The following KLHL13 variants were observed in gnomAD, a reference collection of about 807,000 sequenced individuals.
The protein encoded by KLHL13 is kelch-like protein 13.
Under a neutral mutation model 37.1 loss-of-function variants are expected in KLHL13, and 10 were observed. The ratio of observed to expected loss-of-function variants is 0.27; its 90% CI spans 0.17 to 0.46. The LOEUF (loss-of-function observed/expected upper bound fraction) is 0.46. Among genes scored for constraint, KLHL13 ranks in the 20% least tolerant of loss-of-function variants. The pLI is 1.00. For synonymous variants in KLHL13, 163 were observed against 181.2 expected (o/e 0.90, Z 0.81); for missense variants, 360 against 509.3 (o/e 0.71, Z 2.82).
At chrX:118,083,808 A>G (rs2055023853) in intron 1 of KLHL13, among the ~76,000 whole-genome samples, 1 of 111,917 alleles carries the variant, frequency 8.9e-6, no homozygotes, top group Non-Finnish European at 1.9e-5. Flanking sequence ...GTATATATGT[A>G]TCAAAACATC....
chrX:118,068,817 C>T (rs1214111258), intron 1 of KLHL13, among the ~76,000 whole-genome samples: 5 of 110,912 alleles, frequency 4.5e-5, no homozygotes, highest in Non-Finnish European at 9.4e-5. Context: ...CAAACCACCC[C>T]TGCTTAGTGG....
At chrX:118,116,952 G>A, upstream of KLHL13, 1 of 110,639 alleles carries the variant, frequency 9.0e-6, no homozygotes, top group Admixed American at 9.4e-5. Flanking sequence ...GCGGGGAGCC[G>A]GGGCTAGGAC....
At chrX:118,090,231 G>A (rs1302923154) in intron 1 of KLHL13, among the ~76,000 whole-genome samples, 16 of 110,998 alleles carry the variant, frequency 1.4e-4, no homozygotes, top group Non-Finnish European at 2.1e-4. Flanking sequence ...AGGCATGGGC[G>A]AGGACTTCAT....
intron 1 of KLHL13, among the ~76,000 whole-genome samples, chrX:118,073,271 T>A (rs1462369830): frequency 2.7e-5 from 3 of 111,065 alleles, no homozygotes; most frequent in African/African-American, 9.8e-5. Context: ...AGCCTCACAA[T>A]CATGGTGGAG....
chrX:118,021,406 C>T (rs928765368), intron 1 of KLHL13, among the ~76,000 whole-genome samples: 7 of 107,156 alleles, frequency 6.5e-5, no homozygotes, highest in African/African-American at 2.4e-4. Flanking sequence ...TACCCCACGA[C>T]AGGCCCTGGT....
chrX:118,112,077 T>C (rs996359829), intron 1 of KLHL13, among the ~76,000 whole-genome samples: 6 of 111,752 alleles, frequency 5.4e-5, no homozygotes, highest in African/African-American at 2.0e-4. Context: ...CTAGCTGGAA[T>C]TGAAACCTAG....
chrX:118,026,602 T>C (rs138301979), intron 1 of KLHL13, among the ~76,000 whole-genome samples: 6,177 of 111,866 alleles, frequency 0.055, 411 homozygotes, highest in African/African-American at 0.19. Context: ...AGTTTACAAA[T>C]GGATAACTCA....
At chrX:117,975,023 G>GT (rs1003035263), upstream of KLHL13, among the ~76,000 whole-genome samples, 3 of 110,939 alleles carry the variant, frequency 2.7e-5, no homozygotes, top group African/African-American at 6.6e-5. Context: ...ATATTTAAAA[G>GT]TTTTTTTTAA....
chrX:117,962,848 A>T (rs755790792), intron 1 of KLHL13, among the ~76,000 whole-genome samples: 28 of 112,341 alleles, frequency 2.5e-4, no homozygotes, highest in Middle Eastern at 4.6e-3. Context: ...GATGTGTAAC[A>T]TTAAGCAATT....
chrX:118,062,567 C>A (rs1481567351), intron 1 of KLHL13, among the ~76,000 whole-genome samples: 5 of 110,422 alleles, frequency 4.5e-5, no homozygotes, highest in African/African-American at 1.3e-4. Context: ...GAAGTAGGTA[C>A]AAGCATTCAC....
intron 1 of KLHL13, among the ~76,000 whole-genome samples, chrX:118,106,806 A>C (rs907012761): frequency 8.9e-6 from 1 of 111,885 alleles, no homozygotes; most frequent in Non-Finnish European, 1.9e-5. Context: ...CTAACACCTA[A>C]AGCTGTTCTC....
intron 1 of KLHL13, among the ~76,000 whole-genome samples, chrX:118,093,232 C>T (rs2148155148): frequency 8.9e-6 from 1 of 111,825 alleles, no homozygotes; most frequent in East Asian, 2.8e-4. Context: ...AAATTTGAAA[C>T]TAAAAGCCAA....
intron 1 of KLHL13, among the ~76,000 whole-genome samples, chrX:118,000,146 G>C (rs924293655): frequency 9.0e-6 from 1 of 111,227 alleles, no homozygotes; most frequent in Non-Finnish European, 1.9e-5. Context: ...AGTGCACATA[G>C]GTATTTACTA....
At chrX:117,975,997 G>A (rs757569057), upstream of KLHL13, among the ~76,000 whole-genome samples, 3 of 111,452 alleles carry the variant, frequency 2.7e-5, no homozygotes, top group Non-Finnish European at 5.7e-5. Flanking sequence ...CTCCAAAGAA[G>A]CTATCTAATA....
At chrX:117,921,605 G>A (rs1931704842) in intron 2 of KLHL13, among the ~76,000 whole-genome samples, 2 of 111,717 alleles carry the variant, frequency 1.8e-5, no homozygotes, top group African/African-American at 6.5e-5. Flanking sequence ...AGAACCAACA[G>A]CATTGATTAC....
chrX:117,970,645 TA>T (rs1334203125), intron 1 of KLHL13, among the ~76,000 whole-genome samples: 1 of 111,574 alleles, frequency 9.0e-6, no homozygotes, highest in Non-Finnish European at 1.9e-5. Context: ...AAAAACATGT[TA>T]AACATGATGT....
chrX:117,976,605 AC>A (rs2053600040), upstream of KLHL13, among the ~76,000 whole-genome samples: 1 of 112,262 alleles, frequency 8.9e-6, no homozygotes, highest in African/African-American at 3.2e-5. Context: ...GTGTCCCACT[AC>A]TTTAATATTT....
chrX:118,052,594 G>A (rs1338625795), intron 1 of KLHL13, among the ~76,000 whole-genome samples: 35 of 107,490 alleles, frequency 3.3e-4, no homozygotes, highest in African/African-American at 9.5e-4. Context: ...TTGGGAGGCC[G>A]AGGTGGGCAG....
chrX:118,069,227 AG>A (rs1388853946), intron 1 of KLHL13, among the ~76,000 whole-genome samples: 2 of 109,066 alleles, frequency 1.8e-5, no homozygotes, highest in Non-Finnish European at 3.8e-5. Context: ...ACATCCCTTC[AG>A]GAGGTATTCC....
Sources: gnomAD v4.1 joint callset for allele counts (sites outside exome capture counted in the v4.1 genomes callset) on GRCh38, gnomAD v4.1.1 for gene constraint, MANE v1.5 for transcripts, NCBI Gene and HGNC (gene_info 2026-07-23, HGNC 2026-07-21) for gene names.